The following HHAT variants were observed in gnomAD, a reference collection of about 807,000 sequenced individuals.
HHAT encodes hedgehog acyltransferase, also known as protein-cysteine N-palmitoyltransferase HHAT.
HHAT carries 47 observed loss-of-function variants against 70.8 expected under a neutral mutation model. The ratio of observed to expected loss-of-function variants is 0.66; its 90% CI spans 0.53 to 0.85. The LOEUF is 0.85. HHAT is among the 40% of genes least tolerant of loss of function. The probability of loss-of-function intolerance (pLI) is 0.00; values close to 1 mark genes in which losing one functional copy is unlikely to be tolerated. For synonymous variants in HHAT, 228 were observed against 247.6 expected (o/e 0.92, Z 0.74); for missense variants, 609 against 604.8 (o/e 1.01, Z -0.07).
intron 7 of HHAT, among the ~76,000 whole-genome samples, chr1:210,449,074 C>CT (rs5780577): frequency 0.58 from 87,860 of 151,812 alleles, 25,692 homozygotes; most frequent in South Asian, 0.68. Context: ...CAACAAAAAT[C>CT]ATTTAGATGC....
intron 9 of HHAT, among the ~76,000 whole-genome samples, chr1:210,556,592 A>G (rs745426966): frequency 6.6e-6 from 1 of 151,952 alleles, no homozygotes; most frequent in Non-Finnish European, 1.5e-5. Flanking sequence ...CAAATATACC[A>G]TCCTTTGGGC....
chr1:210,341,727 A>T (rs1373480831), intron 1 of HHAT, among the ~76,000 whole-genome samples: 1 of 152,164 alleles, frequency 6.6e-6, no homozygotes, highest in Admixed American at 6.5e-5. Flanking sequence ...AAGTTCTGTG[A>T]GCTGAGAGAT....
At chr1:210,352,805 T>C (rs1412980859) in intron 2 of HHAT, among the ~76,000 whole-genome samples, 1 of 152,188 alleles carries the variant, frequency 6.6e-6, no homozygotes, top group Non-Finnish European at 1.5e-5. Context: ...ATTGGGGTGG[T>C]GATAGTGATC....
At chr1:210,455,642 C>T (rs1245934060) in intron 7 of HHAT, among the ~76,000 whole-genome samples, 2 of 152,060 alleles carry the variant, frequency 1.3e-5, no homozygotes, top group African/African-American at 4.8e-5. Context: ...ATTTTGTAAC[C>T]TTTCTGTGCC....
intron 11 of HHAT, among the ~76,000 whole-genome samples, chr1:210,656,164 AGTC>A (rs1676368645): frequency 6.6e-6 from 1 of 152,162 alleles, no homozygotes; most frequent in Non-Finnish European, 1.5e-5. Context: ...ACATAGACTA[AGTC>A]CATTTCCCTT....
intron 8 of HHAT, among the ~76,000 whole-genome samples, chr1:210,496,010 C>CAAAAAAAAAAAAAAAAAAAA: frequency 1.5e-3 from 105 of 67,880 alleles, no homozygotes; most frequent in Non-Finnish European, 1.9e-3. Context: ...AACTCTATCT[C>CAAAAAAAAAAAAAAAAAAAA]AAAAAAAAAA....
intron 2 of HHAT, among the ~76,000 whole-genome samples, chr1:210,349,830 T>C (rs2086859305): frequency 6.6e-6 from 1 of 151,936 alleles, no homozygotes; most frequent in African/African-American, 2.4e-5. Context: ...TTTGTATTTT[T>C]AGTAGAGACG....
intron 9 of HHAT, among the ~76,000 whole-genome samples, chr1:210,529,106 A>C (rs970089224): frequency 6.6e-6 from 1 of 152,128 alleles, no homozygotes; most frequent in Non-Finnish European, 1.5e-5. Context: ...GGAGTTCGAG[A>C]CCAGCCTAGC....
intron 4 of HHAT, among the ~76,000 whole-genome samples, chr1:210,394,060 A>G (rs554071014): frequency 6.6e-6 from 1 of 152,234 alleles, no homozygotes; most frequent in Non-Finnish European, 1.5e-5. Context: ...ACTATAGGCA[A>G]CACTATGCAG....
intron 6 of HHAT, among the ~76,000 whole-genome samples, chr1:210,410,803 C>G (rs1964118): frequency 0.81 from 122,496 of 151,952 alleles, 49,505 homozygotes; most frequent in South Asian, 0.89. Context: ...TGGGATTACA[C>G]GCATGAGCCA....
rs573993202 is a variant in HHAT, at chr1:210,664,068, T to G, written c.1391-10220T>G. ...GCAAAAGCCTGTTCTTCAAAGCTTC[T>G]GTCCATCTCCCCCACGTTTGGAGTT... On this transcript the variant is annotated intron_variant, in intron 11 of 11. Coordinates refer to ENST00000261458, the MANE Select transcript of HHAT (RefSeq NM_018194.6). Among the ~76,000 whole-genome samples, 4 of 152,368 alleles carry G rather than the reference T, an allele frequency of 2.6e-5. No homozygotes were observed. The East Asian group carries it at 7.7e-4, about 29-fold the overall frequency.
At chr1:210,662,441 G>A (rs560387057) in intron 11 of HHAT, among the ~76,000 whole-genome samples, 6 of 152,266 alleles carry the variant, frequency 3.9e-5, no homozygotes, top group Admixed American at 6.5e-5. Context: ...GCTAGGCAGC[G>A]TCCACTGTGT....
chr1:210,343,265 G>A (rs889573937), intron 1 of HHAT, among the ~76,000 whole-genome samples: 4 of 152,166 alleles, frequency 2.6e-5, no homozygotes, highest in Middle Eastern at 3.4e-3. Flanking sequence ...AAAAACAAAG[G>A]GCTGTAGAAG....
At chr1:210,453,276 T>C (rs779314341) in intron 7 of HHAT, among the ~76,000 whole-genome samples, 10 of 152,176 alleles carry the variant, frequency 6.6e-5, no homozygotes, top group Non-Finnish European at 1.3e-4. Context: ...TTTTATAAAT[T>C]TTCTTCTTGG....
chr1:210,399,726 G>A (rs1176522883), intron 4 of HHAT, among the ~76,000 whole-genome samples: 1 of 152,056 alleles, frequency 6.6e-6, no homozygotes, highest in African/African-American at 2.4e-5. Context: ...GTCTGACCAA[G>A]GTTATATCAT....
intron 4 of HHAT, among the ~76,000 whole-genome samples, chr1:210,391,342 CAT>C (rs1476558516): frequency 2.0e-5 from 3 of 152,162 alleles, no homozygotes; most frequent in South Asian, 2.1e-4. Context: ...GAAAATATGA[CAT>C]AGAATATTGA....
chr1:210,351,416 A>C (rs1197781578), intron 2 of HHAT, among the ~76,000 whole-genome samples: 1 of 152,242 alleles, frequency 6.6e-6, no homozygotes, highest in Non-Finnish European at 1.5e-5. Context: ...GGCCTGGTCA[A>C]GTTGACACAT....
intron 10 of HHAT, among the ~76,000 whole-genome samples, chr1:210,613,700 TTTGGGTAGTA>T (rs1299677699): frequency 6.6e-6 from 1 of 152,208 alleles, no homozygotes; most frequent in African/African-American, 2.4e-5. Context: ...TGTGGATCAC[TTTGGGTAGTA>T]TTGTTATTTT....
At chr1:210,380,136 A>C (rs2090520450) in intron 3 of HHAT, among the ~76,000 whole-genome samples, 1 of 152,174 alleles carries the variant, frequency 6.6e-6, no homozygotes, top group South Asian at 2.1e-4. Flanking sequence ...ATTTTTATTG[A>C]GTATCTAATA....
Sources: allele counts gnomAD v4.1 joint callset (sites outside exome capture counted in the v4.1 genomes callset), GRCh38; gene constraint gnomAD v4.1.1; transcripts MANE v1.5; gene names NCBI Gene and HGNC (gene_info 2026-07-23, HGNC 2026-07-21).